PCDH15: variants seen among roughly 807,000 people sequenced by gnomAD.
PCDH15 encodes the protein protocadherin-15.
Under a neutral mutation model 178.5 loss-of-function variants are expected in PCDH15, and 129 were observed. The ratio of observed to expected loss-of-function variants is 0.72; its 90% CI spans 0.63 to 0.84. The LOEUF (loss-of-function observed/expected upper bound fraction) is 0.84, where lower values mean the gene tolerates loss of function less well. Among genes scored for constraint, PCDH15 ranks in the 40% least tolerant of loss-of-function variants. The pLI, the probability that PCDH15 is intolerant of heterozygous loss-of-function variation, is 0.00. For missense variants in PCDH15, 2,230 were observed against 2,099.9 expected (o/e 1.06, Z -1.21); for synonymous variants, 800 against 732.0 (o/e 1.09, Z -1.50).
At chr10:54,748,773 T>C (rs1945804400) in intron 1 of PCDH15, among the ~76,000 whole-genome samples, 1 of 152,202 alleles carries the variant, frequency 6.6e-6, no homozygotes, top group Non-Finnish European at 1.5e-5. Flanking sequence ...TCTGCATTTG[T>C]AATTTTTGAG....
chr10:55,525,606 T>C (rs1243313567), intron 2 of PCDH15, among the ~76,000 whole-genome samples: 1 of 151,916 alleles, frequency 6.6e-6, no homozygotes, highest in Non-Finnish European at 1.5e-5. Flanking sequence ...TCTTGTAAGT[T>C]GAAAGACTCT....
chr10:53,806,037 G>GAT lies in PCDH15; in HGVS notation c.*540_*541dup, dbSNP rs1294132956. ...CAATAAAGAAAGAAAACAAGCTCAT[G>GAT]ATTTAAAATAATTAATTATTTACAG... On this transcript the variant is annotated 3_prime_UTR_variant, in exon 38 of 38. Coordinates refer to ENST00000644397, the MANE Select transcript of PCDH15 (RefSeq NM_001384140.1). 2 of 133,084 alleles carry GAT rather than the reference G, an allele frequency of 1.5e-5. No individual in the cohort carries two copies. The highest frequency in any genetic ancestry group is 3.0e-5 in the Non-Finnish European group (2 of 65,838). 8.2% of individuals were successfully genotyped at this position (133,084 alleles called of 1,614,324 possible).
chr10:55,133,979 T>C (rs933038509), intron 2 of PCDH15, among the ~76,000 whole-genome samples: 2 of 152,182 alleles, frequency 1.3e-5, no homozygotes, highest in Non-Finnish European at 2.9e-5. Flanking sequence ...TAGTATATTA[T>C]AAACATGGCA....
intron 2 of PCDH15, among the ~76,000 whole-genome samples, chr10:54,903,855 G>A (rs917824891): frequency 6.6e-5 from 10 of 152,182 alleles, no homozygotes; most frequent in African/African-American, 2.4e-4. Context: ...CATTTGTCAA[G>A]TGAATATGAA....
At chr10:54,099,962 A>T (rs2094778607) in intron 15 of PCDH15, among the ~76,000 whole-genome samples, 1 of 152,190 alleles carries the variant, frequency 6.6e-6, no homozygotes, top group Non-Finnish European at 1.5e-5. Flanking sequence ...CATCTATTCT[A>T]AATCATAAAA....
chr10:55,054,394 A>C (rs1057150230), intron 2 of PCDH15, among the ~76,000 whole-genome samples: 1 of 152,164 alleles, frequency 6.6e-6, no homozygotes, highest in African/African-American at 2.4e-5. Context: ...TCCATAGTGT[A>C]TATGTACCAT....
intron 2 of PCDH15, among the ~76,000 whole-genome samples, chr10:54,980,641 C>A (rs1230228215): frequency 6.6e-6 from 1 of 152,068 alleles, no homozygotes; most frequent in East Asian, 1.9e-4. Context: ...ATCAAATTCA[C>A]AAATTAGTCT....
At chr10:54,155,913 C>G (rs908440350) in intron 13 of PCDH15, among the ~76,000 whole-genome samples, 2 of 151,880 alleles carry the variant, frequency 1.3e-5, no homozygotes, top group African/African-American at 4.8e-5. Context: ...TAACCTATGG[C>G]AAGAATTTAA....
At position 54,637,125 on chromosome 10, in the gene PCDH15, CAA is replaced by C. The variant is rs562355701; in HGVS notation, c.91+27045_91+27046del. On this transcript the variant is annotated intron_variant, in intron 2 of 37. Coordinates refer to ENST00000644397, the MANE Select transcript of PCDH15 (RefSeq NM_001384140.1). ...CAAGACTCAACTAAGAATCAATCTT[CAA>C]AAAAAAAAAAAAAACAATTCAGGGA... 9.1e-3 allele frequency among the ~76,000 whole-genome samples: 701 copies of C among 76,816 alleles called. 7 individuals are homozygous for C. Among genetic ancestry groups the C allele is most frequent in the African/African-American group, 0.027 (666 of 24,736 alleles). 50.4% of individuals were successfully genotyped at this position (76,816 alleles called of 152,430 possible).
chr10:54,562,261 G>T (rs1040333805), intron 2 of PCDH15, among the ~76,000 whole-genome samples: 1 of 152,064 alleles, frequency 6.6e-6, no homozygotes, highest in Admixed American at 6.6e-5. Context: ...AAAGTGCTGG[G>T]ATTACAGGCA....
At chr10:54,273,686 G>A (rs541055396) in intron 8 of PCDH15, among the ~76,000 whole-genome samples, 150 of 152,126 alleles carry the variant, frequency 9.9e-4, no homozygotes, top group Non-Finnish European at 1.5e-3. Context: ...CAAAAGTATA[G>A]CCCCAGATGG....
chr10:53,824,529 A>C (rs1237367230), intron 32 of PCDH15, among the ~76,000 whole-genome samples: 1 of 152,182 alleles, frequency 6.6e-6, no homozygotes, highest in African/African-American at 2.4e-5. Context: ...CAAAGATACG[A>C]ACTATAAGAA....
intron 2 of PCDH15, among the ~76,000 whole-genome samples, chr10:55,156,023 C>T (rs973063670): frequency 2.6e-5 from 4 of 152,026 alleles, no homozygotes; most frequent in African/African-American, 4.8e-5. Flanking sequence ...GGCAACAACA[C>T]GTGATCACAG....
intron 1 of PCDH15, among the ~76,000 whole-genome samples, chr10:54,757,795 G>C (rs1947358197): frequency 6.6e-6 from 1 of 152,146 alleles, no homozygotes; most frequent in Non-Finnish European, 1.5e-5. Context: ...AATTTAGGTT[G>C]AGTTGTCAGC....
chr10:54,067,352 T>C (rs1280226285), intron 17 of PCDH15, among the ~76,000 whole-genome samples: 2 of 152,180 alleles, frequency 1.3e-5, no homozygotes, highest in East Asian at 1.9e-4. Context: ...GCTCATGCTA[T>C]CGAAAAATGC....
At position 54,023,099 on chromosome 10, in the gene PCDH15, T is replaced by G; in HGVS notation, c.2319A>C (p.Thr773=). ...TGACTTCTCTGTTAAGCTTCACTGC[T>G]GTGTAAATGCTCCCATTGGATGTGA... ...FRITSNGSIY[T]AVKLNREVRD... The change falls in exon 19 of 38, where the codon ACA becomes ACC. Residue 773 remains threonine, a synonymous_variant. Coordinates refer to ENST00000644397, the MANE Select transcript of PCDH15 (RefSeq NM_001384140.1). 6.2e-7 allele frequency: 1 copy of G among 1,614,012 alleles called. No homozygotes were observed. The highest frequency in any genetic ancestry group is 8.5e-7 in the Non-Finnish European group (1 of 1,179,916).
At chr10:54,346,293 A>T (rs1398391810) in intron 6 of PCDH15, 72 bp downstream of exon 6, 2 of 1,439,874 alleles carry the variant, frequency 1.4e-6, no homozygotes, top group African/African-American at 2.8e-5. Context: ...ATAATACAAT[A>T]ACTATCAGCT....
chr10:54,310,084 G>A (rs150548428), intron 8 of PCDH15, among the ~76,000 whole-genome samples: 2 of 152,052 alleles, frequency 1.3e-5, no homozygotes, highest in African/African-American at 4.8e-5. Context: ...AATTCTCAGA[G>A]TTGTTCAGGG....
chr10:54,342,480 G>C (rs1256233149), intron 6 of PCDH15, among the ~76,000 whole-genome samples: 1 of 152,194 alleles, frequency 6.6e-6, no homozygotes, highest in East Asian at 1.9e-4. Flanking sequence ...GAGGATGTGT[G>C]AAAATGCCAG....
Sources: gnomAD v4.1 joint callset for allele counts (sites outside exome capture counted in the v4.1 genomes callset) on GRCh38, gnomAD v4.1.1 for gene constraint, MANE v1.5 for transcripts, NCBI Gene and HGNC (gene_info 2026-07-23, HGNC 2026-07-21) for gene names.